TDRD12: variants seen among roughly 807,000 people sequenced by gnomAD.
TDRD12 encodes the protein putative ATP-dependent RNA helicase TDRD12.
A neutral mutation model predicts 133.5 loss-of-function variants in TDRD12; 158 were observed. The ratio of observed to expected loss-of-function variants is 1.18; its 90% CI spans 1.04 to 1.35. TDRD12 has a LOEUF of 1.35. Among genes scored for constraint, TDRD12 ranks in the 40% most tolerant of loss-of-function variants. The pLI, the probability that TDRD12 is intolerant of heterozygous loss-of-function variation, is 0.00. For missense variants in TDRD12, 1,443 were observed against 1,321.3 expected, an observed-to-expected ratio of 1.09 and a Z score of -1.43; for synonymous variants, 460 against 477.9, an observed-to-expected ratio of 0.96 and a Z score of 0.49.
At chr19:32,743,160 C>G (rs1269404843) in intron 4 of TDRD12, among the ~76,000 whole-genome samples, 1 of 152,374 alleles carries the variant, frequency 6.6e-6, no homozygotes, top group Non-Finnish European at 1.5e-5. Context: ...ATTCATAAAA[C>G]ATAGGATCAT....
rs144401249 is a variant in TDRD12, at chr19:32,795,117, C to G, written c.1473+304C>G. On this transcript the variant is annotated intron_variant, in intron 14 of 27. Coordinates refer to ENST00000444215, the Ensembl canonical transcript of TDRD12. The stretch of plus-strand genomic sequence containing the variant: ...TGGGAGGCCGAGGCGAGTGGATCAT[C>G]TGAGGTCAGGAGTTCGAGACCAGCC... Among the ~76,000 whole-genome samples, 11 of 152,080 alleles carry G rather than the reference C, an allele frequency of 7.2e-5. No homozygotes were observed. The East Asian group carries it at 2.1e-3, about 29-fold the overall frequency.
intron 27 of TDRD12, among the ~76,000 whole-genome samples, 199 bp downstream of exon 27, chr19:32,818,356 G>C (rs1171913312): frequency 1.3e-5 from 2 of 152,206 alleles, no homozygotes; most frequent in African/African-American, 4.8e-5. Context: ...GCCAGGTCTT[G>C]TGGGGCCTGT....
intron 1 of TDRD12, among the ~76,000 whole-genome samples, chr19:32,723,363 GC>G (rs1280214669): frequency 6.6e-6 from 1 of 151,676 alleles, no homozygotes; most frequent in Non-Finnish European, 1.5e-5. Context: ...CCATTCTCCT[GC>G]CTCAGCCTCC....
At chr19:32,757,185 G>A in intron 8 of TDRD12, 55 bp downstream of exon 8, 1 of 1,377,810 alleles carries the variant, frequency 7.3e-7, no homozygotes, top group Non-Finnish European at 1.0e-6. Context: ...AATATTCTTA[G>A]CTTTTTAAAG....
rs903522455 is a variant in TDRD12, at chr19:32,811,460, A to T, written c.3048+40A>T. ...CTTTTTATCTATTGTTGACTTTTAG[A>T]ATATATTTAACCGAGAATATACACA... On this transcript the variant is annotated intron_variant, in intron 24 of 27. Coordinates refer to ENST00000444215, the Ensembl canonical transcript of TDRD12. 25 of 1,488,878 alleles carry T rather than the reference A, an allele frequency of 1.7e-5. No homozygotes were observed. The African/African-American group carries it at 1.8e-4, about 11-fold the overall frequency. 92.2% of individuals were successfully genotyped at this position (1,488,878 alleles called of 1,614,324 possible).
chr19:32,821,367 A>AGT, downstream of TDRD12: 3 of 486,114 alleles, frequency 6.2e-6, no homozygotes, highest in Admixed American at 3.9e-5. Flanking sequence ...ACAGCTCAGC[A>AGT]GAGTGTGTGT....
rs142292710 is a variant in TDRD12, at chr19:32,758,472, C to A, written c.865+1342C>A. 2.9e-3 allele frequency among the ~76,000 whole-genome samples: 435 copies of A among 152,262 alleles called. 2 individuals carry two copies. The highest frequency in any genetic ancestry group is 9.8e-3 in the African/African-American group (407 of 41,560). On this transcript the variant is annotated intron_variant, in intron 8 of 27. Transcript: ENST00000444215. ...CCAAACGGAAAGACAGTTTCTCAAT[C>A]CAGTCTGTGTATTACCCGAGACTTG...
intron 11 of TDRD12, among the ~76,000 whole-genome samples, chr19:32,777,857 A>ATT (rs869285558): frequency 6.0e-4 from 12 of 20,052 alleles, no homozygotes; most frequent in East Asian, 1.5e-3. Flanking sequence ...ATATATATAT[A>ATT]TTTTTTTTTT....
chr19:32,795,963 C>A (rs1242242114), intron 14 of TDRD12, among the ~76,000 whole-genome samples: 2 of 152,326 alleles, frequency 1.3e-5, no homozygotes, highest in East Asian at 3.9e-4. Context: ...AATCACCCCC[C>A]ACCAGCCCCC....
chr19:32,764,487 C>G (rs967055670), intron 8 of TDRD12, among the ~76,000 whole-genome samples: 2 of 152,138 alleles, frequency 1.3e-5, no homozygotes, highest in Non-Finnish European at 2.9e-5. Flanking sequence ...TGATTTGAAT[C>G]TTTTAATATC....
chr19:32,776,923 T>C (rs952311333), intron 10 of TDRD12, among the ~76,000 whole-genome samples: 1 of 152,178 alleles, frequency 6.6e-6, no homozygotes, highest in Non-Finnish European at 1.5e-5. Flanking sequence ...GGTCTTGCTC[T>C]TGTTGCCCAG....
At position 32,826,428 on chromosome 19, in the gene TDRD12, T is replaced by C. The variant is rs1021220861; in HGVS notation, c.896-17T>C. ...AGCATTTTAAAAGGCTGACTTTATT[T>C]CTTTTTATAAACCCAGTGCTTGGGT... On this transcript the variant is annotated splice_polypyrimidine_tract_variant and intron_variant, in intron 8 of 9. Coordinates refer to the TDRD12 transcript ENST00000637289. 1 of 1,248,630 alleles carries C rather than the reference T, an allele frequency of 8.0e-7. No individual in the cohort carries two copies. Among genetic ancestry groups the C allele is most frequent in the Admixed American group, 4.0e-5 (1 of 25,134 alleles). The allele number at this position is 1,248,630 out of a possible 1,614,324, so 77.3% of individuals were successfully genotyped here.
intron 8 of TDRD12, among the ~76,000 whole-genome samples, chr19:32,767,962 C>T (rs1239466046): frequency 6.6e-6 from 1 of 152,040 alleles, no homozygotes; most frequent in African/African-American, 2.4e-5. Flanking sequence ...TTGAAAAAAT[C>T]CAGAGAGAAA....
At chr19:32,739,135 T>A (rs1413106903) in intron 3 of TDRD12, 143 bp downstream of exon 3, 1 of 1,049,984 alleles carries the variant, frequency 9.5e-7, no homozygotes, top group Admixed American at 2.7e-5. Flanking sequence ...CCAGAAGGGG[T>A]GCTTTCTGGG....
chr19:32,789,890 T>C (rs1971019135), intron 11 of TDRD12, among the ~76,000 whole-genome samples: 1 of 151,974 alleles, frequency 6.6e-6, no homozygotes, highest in South Asian at 2.1e-4. Context: ...TAGTCCCAGC[T>C]ACTCAGGAGG....
At chr19:32,772,326 T>C (rs531825534) in intron 8 of TDRD12, among the ~76,000 whole-genome samples, 1 of 152,272 alleles carries the variant, frequency 6.6e-6, no homozygotes, top group African/African-American at 2.4e-5. Flanking sequence ...TAATGTCACT[T>C]TAGAAGTCTC....
chr19:32,814,838 A>C (rs1295246671), intron 25 of TDRD12, among the ~76,000 whole-genome samples: 1 of 152,176 alleles, frequency 6.6e-6, no homozygotes, highest in African/African-American at 2.4e-5. Flanking sequence ...GGGTTCACCT[A>C]GGAAGGGGCC....
At chr19:32,741,853 G>C (rs1227209671) in intron 3 of TDRD12, among the ~76,000 whole-genome samples, 1 of 152,134 alleles carries the variant, frequency 6.6e-6, no homozygotes, top group Non-Finnish European at 1.5e-5. Context: ...TTCAAGACCA[G>C]CCTGGGTAGC....
intron 4 of TDRD12, among the ~76,000 whole-genome samples, chr19:32,745,871 T>G (rs1259189848): frequency 2.2e-5 from 2 of 89,364 alleles, no homozygotes; most frequent in East Asian, 3.1e-4. Flanking sequence ...AGAGAGAGAG[T>G]CTGGCTGATG....
Sources: gnomAD v4.1 joint callset for allele counts (sites outside exome capture counted in the v4.1 genomes callset) on GRCh38, gnomAD v4.1.1 for gene constraint, MANE v1.5 for transcripts, NCBI Gene and HGNC (gene_info 2026-07-23, HGNC 2026-07-21) for gene names.